ANKRD13C: variants seen among roughly 807,000 people sequenced by gnomAD.
ANKRD13C encodes the protein ankyrin repeat domain-containing protein 13C.
A neutral mutation model predicts 65.5 loss-of-function variants in ANKRD13C; 16 were observed. The ratio of observed to expected loss-of-function variants is 0.24; its 90% CI spans 0.17 to 0.37. The LOEUF is 0.37. ANKRD13C is among the 10% of genes least tolerant of loss of function. The pLI is 1.00. For missense variants in ANKRD13C, 503 were observed against 655.9 expected, an observed-to-expected ratio of 0.77 and a Z score of 2.55; for synonymous variants, 235 against 238.7, an observed-to-expected ratio of 0.98 and a Z score of 0.14.
chr1:70,344,577 T>C (rs1286936801), intron 1 of ANKRD13C, among the ~76,000 whole-genome samples: 1 of 152,154 alleles, frequency 6.6e-6, no homozygotes, highest in African/African-American at 2.4e-5. Flanking sequence ...TTCATTTAAT[T>C]TGCTCAATAA....
intron 8 of ANKRD13C, among the ~76,000 whole-genome samples, chr1:70,295,395 G>A (rs1207928976): frequency 6.6e-6 from 1 of 151,918 alleles, no homozygotes; most frequent in East Asian, 1.9e-4. Flanking sequence ...TTACAGGTAT[G>A]CACCACCACG....
Position 70,302,508 on chromosome 1 carries a change from C to T in ANKRD13C, c.777-1600G>A, listed in dbSNP as rs1469566540. Among the ~76,000 whole-genome samples, 2 of 111,070 alleles carry T rather than the reference C, an allele frequency of 1.8e-5. 1 individual carries two copies. Among genetic ancestry groups the T allele is most frequent in the Non-Finnish European group, 3.6e-5 (2 of 55,946 alleles). 72.9% of individuals were successfully genotyped at this position (111,070 alleles called of 152,430 possible). A position where few individuals can be genotyped will look rare whatever the true frequency, so the allele number is the denominator to read the frequency against. ...TTGGGAGGCCAAGGCGGGCGGATCA[C>T]GAGGTCAGGAGATCGAGACCATCCC... is the stretch of plus-strand genomic sequence containing the variant. On this transcript the variant is annotated intron_variant, in intron 6 of 12. Transcript: ENST00000370944.
intron 3 of ANKRD13C, among the ~76,000 whole-genome samples, chr1:70,324,531 A>C (rs932231499): frequency 6.6e-6 from 1 of 152,220 alleles, no homozygotes; most frequent in Admixed American, 6.5e-5. Context: ...TATATAATTA[A>C]GCAGTTGCCA....
At chr1:70,273,254 T>A (rs1417263556) in intron 11 of ANKRD13C, among the ~76,000 whole-genome samples, 2 of 152,146 alleles carry the variant, frequency 1.3e-5, no homozygotes, top group East Asian at 3.9e-4. Context: ...TCTTCTCCGA[T>A]CATTTTTAAA....
rs1678338433 is a variant in ANKRD13C at position 70,260,111 on chromosome 1, CAGA to C, written c.*2603_*2605del. Among the ~76,000 whole-genome samples, 1 of 152,104 alleles carries C rather than the reference CAGA, an allele frequency of 6.6e-6. No individual in the cohort carries two copies. The highest frequency in any genetic ancestry group is 1.5e-5 in the Non-Finnish European group (1 of 67,980). On this transcript the variant is annotated 3_prime_UTR_variant, in exon 13 of 13. Coordinates refer to ENST00000370944, the MANE Select transcript of ANKRD13C (RefSeq NM_030816.5). The stretch of plus-strand genomic sequence containing the variant: ...AGTGGGGCTTAATTCCAGTTCTGAG[CAGA>C]AGGAAACAGTTTTTCATCTACTAAC...
chr1:70,282,115 C>T (rs1001248316), intron 9 of ANKRD13C, among the ~76,000 whole-genome samples: 19 of 143,310 alleles, frequency 1.3e-4, no homozygotes, highest in Middle Eastern at 7.6e-3. Context: ...AGTGTAGTAG[C>T]GCGATCTCGG....
At chr1:70,322,931 G>A (rs1390038948) in intron 3 of ANKRD13C, among the ~76,000 whole-genome samples, 1 of 152,088 alleles carries the variant, frequency 6.6e-6, no homozygotes, top group Non-Finnish European at 1.5e-5. Flanking sequence ...GGCAGAGGTT[G>A]CAGGTAAGCC....
intron 1 of ANKRD13C, among the ~76,000 whole-genome samples, chr1:70,346,924 T>C (rs1682551141): frequency 6.6e-6 from 1 of 151,748 alleles, no homozygotes; most frequent in Non-Finnish European, 1.5e-5. Flanking sequence ...ACCCCGTCTC[T>C]ACTAAAAAAT....
At chr1:70,346,790 T>A (rs1365901751) in intron 1 of ANKRD13C, among the ~76,000 whole-genome samples, 1 of 152,070 alleles carries the variant, frequency 6.6e-6, no homozygotes, top group Non-Finnish European at 1.5e-5. Context: ...CGAGTGAGCC[T>A]TTTAAAATCA....
intron 3 of ANKRD13C, among the ~76,000 whole-genome samples, chr1:70,317,990 A>G (rs1035901803): frequency 2.0e-5 from 3 of 152,224 alleles, no homozygotes; most frequent in African/African-American, 7.2e-5. Flanking sequence ...GCATTCAATA[A>G]ATAACGACCA....
chr1:70,289,488 A>C (rs1297355957), intron 9 of ANKRD13C, among the ~76,000 whole-genome samples: 1 of 151,074 alleles, frequency 6.6e-6, no homozygotes, highest in Non-Finnish European at 1.5e-5. Flanking sequence ...TTTTTTTGAG[A>C]CAGTCTTGCT....
At chr1:70,302,335 T>A (rs911699634) in intron 6 of ANKRD13C, among the ~76,000 whole-genome samples, 4 of 152,032 alleles carry the variant, frequency 2.6e-5, no homozygotes, top group African/African-American at 4.8e-5. Context: ...TGCCTGTTGC[T>A]TTATAGCTGA....
intron 9 of ANKRD13C, among the ~76,000 whole-genome samples, chr1:70,289,987 A>G (rs1233187608): frequency 6.6e-6 from 1 of 152,144 alleles, no homozygotes; most frequent in Non-Finnish European, 1.5e-5. Context: ...TCCTGAGTGC[A>G]TTTTGTCAAG....
In ANKRD13C at chr1:70,333,012, G is replaced by A. The variant is rs1327662280; in HGVS notation, c.472+3046C>T. 2.0e-5 allele frequency among the ~76,000 whole-genome samples: 3 copies of A among 152,212 alleles called. No individual in the cohort carries two copies. The East Asian group carries it at 5.8e-4, about 29-fold the overall frequency. On this transcript the variant is annotated intron_variant, in intron 2 of 12. Transcript: ENST00000370944. ...AATCAGATTTGGCAAGTTGCATGTT[G>A]GCCAACTTTGATACAGACCATATCC...
intron 3 of ANKRD13C, among the ~76,000 whole-genome samples, chr1:70,321,465 G>C (rs115194616): frequency 6.6e-6 from 1 of 152,096 alleles, no homozygotes; most frequent in Non-Finnish European, 1.5e-5. Context: ...TAACACCTTT[G>C]ATGTGCCACA....
In ANKRD13C at chr1:70,280,639, A is replaced by C. The variant is rs553550838; in HGVS notation, c.1216-3795T>G. Among the ~76,000 whole-genome samples the C allele has an allele frequency of 7.2e-5, 11 of 152,360 alleles. No individual in the cohort carries two copies. The East Asian group carries it at 2.1e-3, about 29-fold the overall frequency. ...GCTTCGACAATGACTAGCTGACTTCAAACAAATTACTCAACCTCTTTTGCC... is the reference window on the plus strand; with the variant it reads ...GCTTCGACAATGACTAGCTGACTTCCAACAAATTACTCAACCTCTTTTGCC... On this transcript the variant is annotated intron_variant, in intron 9 of 12. Transcript: ENST00000370944.
chr1:70,322,905 T>C (rs1039116784), intron 3 of ANKRD13C, among the ~76,000 whole-genome samples: 1 of 152,018 alleles, frequency 6.6e-6, no homozygotes, highest in African/African-American at 2.4e-5. Context: ...GGCAGGAGAA[T>C]TGCTTCAACC....
intron 9 of ANKRD13C, among the ~76,000 whole-genome samples, chr1:70,285,187 C>CA (rs1679563128): frequency 9.5e-6 from 1 of 105,236 alleles, no homozygotes; most frequent in South Asian, 3.1e-4. Context: ...TTTATAATGT[C>CA]TTTTTTTTTT....
intron 3 of ANKRD13C, 150 bp from the exon 4 acceptor site, chr1:70,315,716 C>A (rs1000230704): frequency 1.1e-5 from 6 of 529,290 alleles, no homozygotes; most frequent in African/African-American, 9.7e-5. Flanking sequence ...TCTACATCTA[C>A]AATATATTTT....
Sources: gnomAD v4.1 joint callset for allele counts (sites outside exome capture counted in the v4.1 genomes callset) on GRCh38, gnomAD v4.1.1 for gene constraint, MANE v1.5 for transcripts, NCBI Gene and HGNC (gene_info 2026-07-23, HGNC 2026-07-21) for gene names.